GPHN: variants seen among roughly 807,000 people sequenced by gnomAD.
The protein encoded by GPHN is gephyrin.
Under a neutral mutation model 95.5 loss-of-function variants are expected in GPHN, and 17 were observed. The ratio of observed to expected loss-of-function variants is 0.18; its 90% CI spans 0.12 to 0.27. The LOEUF (loss-of-function observed/expected upper bound fraction) is 0.27, where lower values mean the gene tolerates loss of function less well. GPHN is among the 10% of genes least tolerant of loss of function. The pLI, the probability that GPHN is intolerant of heterozygous loss-of-function variation, is 1.00. For missense variants in GPHN, 660 were observed against 978.1 expected (o/e 0.67, Z 4.34); for synonymous variants, 320 against 322.5 (o/e 0.99, Z 0.08).
intron 3 of GPHN, among the ~76,000 whole-genome samples, chr14:66,822,503 A>T (rs2061237888): frequency 6.6e-6 from 1 of 152,164 alleles, no homozygotes. Flanking sequence ...TTACTTGACT[A>T]TTAGCTCTTT....
intron 1 of GPHN, among the ~76,000 whole-genome samples, chr14:66,560,810 A>G (rs947105819): frequency 1.2e-4 from 19 of 152,188 alleles, no homozygotes; most frequent in South Asian, 6.2e-4. Context: ...GGGCATCCCT[A>G]TCTTGTGCCA....
chr14:66,855,652 G>A (rs572850443), intron 4 of GPHN, among the ~76,000 whole-genome samples: 1 of 152,214 alleles, frequency 6.6e-6, no homozygotes, highest in Non-Finnish European at 1.5e-5. Flanking sequence ...CTTAGGAATG[G>A]AAATGTGGGA....
At chr14:66,732,082 C>T (rs1391693558) in intron 2 of GPHN, among the ~76,000 whole-genome samples, 2 of 152,150 alleles carry the variant, frequency 1.3e-5, no homozygotes, top group South Asian at 2.1e-4. Flanking sequence ...AGGCAGAAGT[C>T]GGGTTTAGGG....
chr14:67,157,497 C>A (rs2081665204), intron 18 of GPHN, among the ~76,000 whole-genome samples: 1 of 151,998 alleles, frequency 6.6e-6, no homozygotes, highest in African/African-American at 2.4e-5. Flanking sequence ...GTATTCAAGG[C>A]AGAAAAAAGA....
At chr14:67,499,831 A>C in the GPHN span, among the ~76,000 whole-genome samples, 2 of 98,546 alleles carry the variant, frequency 2.0e-5, no homozygotes, top group Non-Finnish European at 4.8e-5. Flanking sequence ...ACTGCTAAAC[A>C]GGGACAAAGG....
chr14:67,383,204 G>A, the GPHN span: 1 of 1,199,230 alleles, frequency 8.3e-7, no homozygotes, highest in Non-Finnish European at 1.1e-6. Context: ...AGATATGACA[G>A]AGTTGTTAGA....
chr14:66,963,274 A>T (rs372029114), intron 8 of GPHN, among the ~76,000 whole-genome samples: 1 of 151,964 alleles, frequency 6.6e-6, no homozygotes, highest in East Asian at 1.9e-4. Context: ...GAGTATCCTG[A>T]TTTTTAATTT....
At chr14:67,644,653 G>C in the GPHN span, among the ~76,000 whole-genome samples, 1 of 152,166 alleles carries the variant, frequency 6.6e-6, no homozygotes, top group Non-Finnish European at 1.5e-5. Flanking sequence ...GTTGGCTAAT[G>C]TAAGCAGAGC....
At chr14:67,168,825 T>G in intron 20 of GPHN, 108 bp from the exon 21 acceptor site, 1 of 780,858 alleles carries the variant, frequency 1.3e-6, no homozygotes, top group Non-Finnish European at 2.3e-6. Flanking sequence ...GGAAAAATAG[T>G]GCCTAGTCAC....
At chr14:67,225,317 G>A in the GPHN span, 1 of 1,275,882 alleles carries the variant, frequency 7.8e-7, no homozygotes, top group South Asian at 1.8e-5. Flanking sequence ...CTATGATACT[G>A]TCACACAAAA....
At chr14:66,720,954 A>G (rs927095487) in intron 2 of GPHN, among the ~76,000 whole-genome samples, 2 of 152,240 alleles carry the variant, frequency 1.3e-5, no homozygotes, top group African/African-American at 4.8e-5. Context: ...CTGGAAGCCA[A>G]AGCACAAAAG....
At chr14:67,135,030 G>A (rs1176406203) in intron 17 of GPHN, among the ~76,000 whole-genome samples, 1 of 120,426 alleles carries the variant, frequency 8.3e-6, no homozygotes, top group Non-Finnish European at 1.6e-5. Context: ...CACAATCTCA[G>A]CTTACTGCAA....
At chr14:67,512,644 A>G in the GPHN span, among the ~76,000 whole-genome samples, 1 of 152,154 alleles carries the variant, frequency 6.6e-6, no homozygotes, top group Admixed American at 6.5e-5. Flanking sequence ...ACAGTTGCCG[A>G]TAAGACCAAG....
downstream of GPHN, among the ~76,000 whole-genome samples, chr14:67,183,852 T>G (rs940918463): frequency 3.3e-5 from 5 of 150,614 alleles, no homozygotes; most frequent in African/African-American, 1.2e-4. Flanking sequence ...TCTATTCTGT[T>G]TTTCTTTTCT....
chr14:67,550,225 G>C, the GPHN span, among the ~76,000 whole-genome samples: 4 of 150,608 alleles, frequency 2.7e-5, no homozygotes, highest in African/African-American at 9.8e-5. Context: ...GTCTCACTCT[G>C]TTGCCCAAGC....
At chr14:66,856,625 A>G (rs1005182364) in intron 4 of GPHN, among the ~76,000 whole-genome samples, 38 of 152,132 alleles carry the variant, frequency 2.5e-4, no homozygotes, top group Admixed American at 2.2e-3. Flanking sequence ...ATCTATAAAG[A>G]TAACAAAACC....
chr14:67,303,252 C>G, the GPHN span, among the ~76,000 whole-genome samples: 1 of 152,192 alleles, frequency 6.6e-6, no homozygotes, highest in Non-Finnish European at 1.5e-5. Flanking sequence ...TACACACGCA[C>G]AGACTAGATT....
intron 2 of GPHN, among the ~76,000 whole-genome samples, chr14:66,682,875 G>A (rs2067026337): frequency 6.6e-6 from 1 of 152,038 alleles, no homozygotes; most frequent in Non-Finnish European, 1.5e-5. Context: ...TAAAAGATTT[G>A]AAGAACTACA....
the GPHN span, among the ~76,000 whole-genome samples, chr14:67,341,601 G>A: frequency 1.3e-5 from 2 of 151,938 alleles, no homozygotes; most frequent in Non-Finnish European, 2.9e-5. Flanking sequence ...CCCTGTCCGG[G>A]AGGTGAGGGG....
Sources: allele counts gnomAD v4.1 joint callset (sites outside exome capture counted in the v4.1 genomes callset), GRCh38; gene constraint gnomAD v4.1.1; transcripts MANE v1.5; gene names NCBI Gene and HGNC (gene_info 2026-07-23, HGNC 2026-07-21).